NDUFAF6: variants seen among roughly 807,000 people sequenced by gnomAD.
The protein encoded by NDUFAF6 is NADH:ubiquinone oxidoreductase complex assembly factor 6, also known as NADH dehydrogenase (ubiquinone) complex I, assembly factor 6.
A neutral mutation model predicts 40.8 loss-of-function variants in NDUFAF6; 45 were observed. The observed-to-expected ratio is 1.10, with a 90% confidence interval of 0.87 to 1.42. NDUFAF6 has a LOEUF of 1.42. Among genes scored for constraint, NDUFAF6 ranks in the 40% most tolerant of loss-of-function variants. NDUFAF6 has a pLI of 0.00. For missense variants in NDUFAF6, 435 were observed against 418.5 expected (o/e 1.04, Z -0.34); for synonymous variants, 185 against 155.9 (o/e 1.19, Z -1.39).
rs148416120 is a variant in NDUFAF6, at chr8:95,001,026, G to T, written c.-84+20053G>T. Reference sequence around the variant, plus strand: ...GGTGGAGTACAGTGACACAATCATGGCTCACTGCAGCCTTGATGTCCCAGG... The same window carrying T: ...GGTGGAGTACAGTGACACAATCATGTCTCACTGCAGCCTTGATGTCCCAGG... On this transcript the variant is annotated intron_variant, in intron 2 of 9. Coordinates refer to the NDUFAF6 transcript ENST00000396111. 7.2e-3 allele frequency among the ~76,000 whole-genome samples: 1,081 copies of T among 150,722 alleles called. 16 individuals carry two copies. Among genetic ancestry groups the T allele is most frequent in the African/African-American group, 0.026 (1,046 of 40,910 alleles).
intron 5 of NDUFAF6, chr8:95,115,786 G>A (rs1810119374): frequency 1.3e-5 from 2 of 152,224 alleles, no homozygotes; most frequent in Non-Finnish European, 2.9e-5. Context: ...ATAGTTTTGA[G>A]AGAAGGTGTG....
chr8:95,116,398 G>C (rs138556415), exon 6 of NDUFAF6: 2 of 152,074 alleles, frequency 1.3e-5, no homozygotes, highest in East Asian at 3.9e-4. Context: ...TGTCATCCAG[G>C]CTGGAGTGCA....
intron 4 of NDUFAF6, among the ~76,000 whole-genome samples, chr8:95,045,211 A>G (rs373644572): frequency 2.0e-5 from 3 of 152,168 alleles, no homozygotes; most frequent in Admixed American, 6.5e-5. Flanking sequence ...GATAATGTCT[A>G]AAGTGCCTAC....
chr8:94,978,191 A>G (rs1825126249), intron 1 of NDUFAF6, among the ~76,000 whole-genome samples: 1 of 152,178 alleles, frequency 6.6e-6, no homozygotes, highest in African/African-American at 2.4e-5. Context: ...CCCATCCCCT[A>G]TTCTCCAGGA....
At chr8:95,105,364 ATT>A (rs5893318), downstream of NDUFAF6, among the ~76,000 whole-genome samples, 964 of 149,008 alleles carry the variant, frequency 6.5e-3, 11 homozygotes, top group African/African-American at 0.019. Context: ...ATTTAGGCGC[ATT>A]TTTTTTTTTT....
intron 9 of NDUFAF6, among the ~76,000 whole-genome samples, chr8:95,074,129 G>T (rs1006661528): frequency 6.6e-6 from 1 of 152,040 alleles, no homozygotes; most frequent in Non-Finnish European, 1.5e-5. Flanking sequence ...CGTTGTTGAG[G>T]CTGGGTAATG....
At chr8:95,015,041 C>A (rs1368333638) in intron 2 of NDUFAF6, among the ~76,000 whole-genome samples, 2 of 152,208 alleles carry the variant, frequency 1.3e-5, no homozygotes, top group African/African-American at 4.8e-5. Context: ...CTCTAATTGG[C>A]TGGCCTGGAT....
intron 9 of NDUFAF6, among the ~76,000 whole-genome samples, chr8:95,064,038 A>ATTTTTTTTTTTTTTT (rs1160777112): frequency 8.6e-5 from 9 of 104,808 alleles, no homozygotes; most frequent in Admixed American, 1.1e-4. Context: ...CGCCTGGCTA[A>ATTTTTTTTTTTTTTT]TTTTTTTTTT....
chr8:95,079,552 GA>G (rs1173738659), downstream of NDUFAF6, among the ~76,000 whole-genome samples: 2 of 152,106 alleles, frequency 1.3e-5, no homozygotes, highest in African/African-American at 2.4e-5. Context: ...CTCTAAAGAT[GA>G]AAGTTTGAAA....
intron 2 of NDUFAF6, among the ~76,000 whole-genome samples, chr8:95,088,530 T>C (rs1809126333): frequency 6.6e-6 from 1 of 152,158 alleles, no homozygotes; most frequent in Admixed American, 6.5e-5. Context: ...AACAACAGGA[T>C]GGGTCTACAG....
chr8:95,012,845 T>C (rs1466964922), intron 2 of NDUFAF6, among the ~76,000 whole-genome samples: 1 of 151,872 alleles, frequency 6.6e-6, no homozygotes, highest in East Asian at 1.9e-4. Context: ...CAAAAACCCC[T>C]TTTAATGGGT....
rs185282859 is a variant in NDUFAF6, at chr8:94,930,573, C to T, written c.-935-14910C>T. On this transcript the variant is annotated intron_variant, in intron 1 of 14. Transcript: ENST00000396113. ...GCAATCCCTGGTAAGATTTTGGCGA[C>T]GAAGGCTATTTCTGTTAAGAGGCTG... 119 of 1,614,182 alleles carry T rather than the reference C, an allele frequency of 7.4e-5. 1 individual carries two copies. The East Asian group carries it at 2.3e-3, about 32-fold the overall frequency.
intron 2 of NDUFAF6, among the ~76,000 whole-genome samples, chr8:94,986,534 A>T (rs983932602): frequency 2.6e-5 from 4 of 152,206 alleles, no homozygotes; most frequent in Non-Finnish European, 4.4e-5. Context: ...TGACTTAAAA[A>T]TTTTTCATCT....
chr8:95,056,119 A>C (rs942993097), intron 8 of NDUFAF6, among the ~76,000 whole-genome samples: 1 of 152,086 alleles, frequency 6.6e-6, no homozygotes, highest in Admixed American at 6.6e-5. Context: ...TGTTTCTGAG[A>C]TTTGTACATA....
intron 1 of NDUFAF6, chr8:95,101,122 T>C (rs1809634193): frequency 6.6e-6 from 1 of 152,244 alleles, no homozygotes; most frequent in Non-Finnish European, 1.5e-5. Context: ...ATACATTGTG[T>C]TCTTAACAGG....
intron 1 of NDUFAF6, among the ~76,000 whole-genome samples, chr8:94,963,321 C>T (rs1313629744): frequency 2.0e-5 from 3 of 152,126 alleles, no homozygotes; most frequent in South Asian, 2.1e-4. Flanking sequence ...AAGCAGTGGT[C>T]CTGCCCCCAA....
At chr8:95,086,491 C>T (rs1809046370) in intron 2 of NDUFAF6, among the ~76,000 whole-genome samples, 1 of 152,204 alleles carries the variant, frequency 6.6e-6, no homozygotes, top group Non-Finnish European at 1.5e-5. Flanking sequence ...AGCAAACTGT[C>T]CGAAATGGCC....
chr8:94,948,549 G>C (rs1822221974), intron 2 of NDUFAF6, among the ~76,000 whole-genome samples: 1 of 152,158 alleles, frequency 6.6e-6, no homozygotes, highest in African/African-American at 2.4e-5. Flanking sequence ...GCCGGTGGCC[G>C]GGTCACGGAG....
intron 2 of NDUFAF6, chr8:95,087,709 A>G (rs1458389809): frequency 6.6e-6 from 1 of 151,958 alleles, no homozygotes; most frequent in Non-Finnish European, 1.5e-5. Context: ...TTTATTTTTC[A>G]TTTCCTTCTG....
Sources: gnomAD v4.1 joint callset for allele counts (sites outside exome capture counted in the v4.1 genomes callset) on GRCh38, gnomAD v4.1.1 for gene constraint, MANE v1.5 for transcripts, NCBI Gene and HGNC (gene_info 2026-07-23, HGNC 2026-07-21) for gene names.